The following GRM7 variants were observed in gnomAD, a reference collection of about 807,000 sequenced individuals.
The protein encoded by GRM7 is metabotropic glutamate receptor 7.
In GRM7, 35 loss-of-function variants were observed where a neutral mutation model predicts 84.5. The ratio of observed to expected loss-of-function variants is 0.41; its 90% confidence interval spans 0.32 to 0.55. The LOEUF (loss-of-function observed/expected upper bound fraction) is 0.55, where lower values mean the gene tolerates loss of function less well. Ranked by LOEUF, GRM7 falls within the 20% of genes least tolerant of loss-of-function variation. The pLI, the probability that GRM7 is intolerant of heterozygous loss-of-function variation, is 0.19. For synonymous variants in GRM7, 487 were observed against 455.1 expected (o/e 1.07, Z -0.89); for missense variants, 1,003 against 1,194.6 (o/e 0.84, Z 2.36).
chr3:7,402,577 C>A (rs1168337767), intron 4 of GRM7, among the ~76,000 whole-genome samples: 1 of 152,104 alleles, frequency 6.6e-6, no homozygotes, highest in East Asian at 1.9e-4. Flanking sequence ...AAATAACATA[C>A]ATCAAAATAG....
At chr3:7,403,214 G>T in intron 4 of GRM7, 1 of 443,010 alleles carries the variant, frequency 2.3e-6, no homozygotes. Context: ...ATTAATAATT[G>T]ATATGTGCTA....
Position 7,703,214 on chromosome 3 carries a change from C to T in GRM7, c.2698+22919C>T, listed in dbSNP as rs6795364. On this transcript the variant is annotated intron_variant, in intron 9 of 9. Transcript: ENST00000357716. Reference sequence around the variant, plus strand: ...ACTCTGATCTTAGGACCAGAAGCATCGGCAATGTCTAGAAACTTATTAATA... The same window carrying T: ...ACTCTGATCTTAGGACCAGAAGCATTGGCAATGTCTAGAAACTTATTAATA... Among the ~76,000 whole-genome samples the T allele has an allele frequency of 2.0e-3, 307 of 152,236 alleles. 3 individuals carry two copies. The highest frequency in any genetic ancestry group is 7.2e-3 in the African/African-American group (299 of 41,548).
At chr3:7,389,291 T>A (rs1390698267) in intron 4 of GRM7, among the ~76,000 whole-genome samples, 3 of 151,982 alleles carry the variant, frequency 2.0e-5, no homozygotes, top group Non-Finnish European at 2.9e-5. Context: ...GCTTTATGAC[T>A]GAGAAAATGG....
At chr3:7,444,311 C>CT (rs1697415363) in intron 5 of GRM7, among the ~76,000 whole-genome samples, 1 of 152,072 alleles carries the variant, frequency 6.6e-6, no homozygotes, top group African/African-American at 2.4e-5. Context: ...AGAAAGAATA[C>CT]TTTTTCAATG....
intron 1 of GRM7, among the ~76,000 whole-genome samples, chr3:6,955,573 A>G (rs1443566114): frequency 6.6e-6 from 1 of 151,866 alleles, no homozygotes; most frequent in Non-Finnish European, 1.5e-5. Flanking sequence ...GGCTGGGCAC[A>G]GTGACTCACG....
intron 7 of GRM7, among the ~76,000 whole-genome samples, chr3:7,514,217 A>C (rs1474461900): frequency 1.3e-5 from 2 of 152,236 alleles, no homozygotes; most frequent in Non-Finnish European, 2.9e-5. Flanking sequence ...ATCCTATACA[A>C]AAATCTGTAA....
intron 1 of GRM7, among the ~76,000 whole-genome samples, chr3:6,956,343 C>T (rs529780208): frequency 1.3e-5 from 2 of 152,242 alleles, no homozygotes; most frequent in East Asian, 1.9e-4. Context: ...CAGTGTGCTG[C>T]CTGTTCACCC....
chr3:7,341,619 T>C (rs893285433), intron 4 of GRM7, among the ~76,000 whole-genome samples: 5 of 152,108 alleles, frequency 3.3e-5, no homozygotes, highest in African/African-American at 1.2e-4. Flanking sequence ...AAGCAAAAAC[T>C]GCCTTTACCA....
intron 5 of GRM7, among the ~76,000 whole-genome samples, chr3:7,448,594 A>G (rs1396798452): frequency 6.6e-6 from 1 of 152,196 alleles, no homozygotes; most frequent in Non-Finnish European, 1.5e-5. Flanking sequence ...CTGCCACACT[A>G]GGGAAAATAA....
In GRM7 at chr3:7,336,158, A is replaced by G. The variant is rs142736608; in HGVS notation, c.1033+29506A>G. 2.2e-4 allele frequency among the ~76,000 whole-genome samples: 33 copies of G among 152,234 alleles called. No individual in the cohort carries two copies. In the East Asian group the frequency reaches 4.8e-3, roughly 22 times the overall value. On this transcript the variant is annotated intron_variant, in intron 4 of 9. Coordinates refer to ENST00000357716, the MANE Select transcript of GRM7 (RefSeq NM_000844.4). The stretch of plus-strand genomic sequence containing the variant: ...AAAAATTCTCAACAAAATACTTGTG[A>G]ACTGAATCCAACAGCATATCCAAAA...
chr3:7,455,688 G>T (rs927822506), intron 6 of GRM7, among the ~76,000 whole-genome samples: 1 of 152,110 alleles, frequency 6.6e-6, no homozygotes, highest in African/African-American at 2.4e-5. Context: ...AACTGTTTCT[G>T]ACTCAAAGAG....
chr3:6,977,488 T>C (rs927024271), intron 1 of GRM7, among the ~76,000 whole-genome samples: 3 of 152,108 alleles, frequency 2.0e-5, no homozygotes, highest in East Asian at 3.9e-4. Flanking sequence ...TTTTCTTCAA[T>C]GTCAGAGGTC....
intron 2 of GRM7, among the ~76,000 whole-genome samples, chr3:7,297,930 G>A (rs1324474502): frequency 1.3e-5 from 2 of 152,178 alleles, no homozygotes; most frequent in Non-Finnish European, 2.9e-5. Flanking sequence ...TTAGTAAACT[G>A]ATGCATGTTT....
intron 2 of GRM7, among the ~76,000 whole-genome samples, chr3:7,269,170 G>C (rs1177398087): frequency 6.6e-6 from 1 of 152,182 alleles, no homozygotes; most frequent in Non-Finnish European, 1.5e-5. Flanking sequence ...GCACTGTTTT[G>C]CCTATCATTA....
intron 4 of GRM7, among the ~76,000 whole-genome samples, chr3:7,377,219 AT>A (rs60849201): frequency 0.16 from 24,818 of 151,888 alleles, 2,197 homozygotes; most frequent in Admixed American, 0.27. Context: ...GGTTCCTAAT[AT>A]TTTTTTTCCA....
intron 1 of GRM7, among the ~76,000 whole-genome samples, chr3:7,092,149 C>T (rs1315582761): frequency 6.6e-6 from 1 of 152,098 alleles, no homozygotes; most frequent in Non-Finnish European, 1.5e-5. Flanking sequence ...GCTGGGACTA[C>T]AGGCATTCAC....
intron 1 of GRM7, among the ~76,000 whole-genome samples, chr3:6,879,521 C>T (rs1695431903): frequency 6.6e-6 from 1 of 152,104 alleles, no homozygotes; most frequent in Admixed American, 6.5e-5. Flanking sequence ...ATGTTGTCAG[C>T]CCAGGCTTTC....
At chr3:7,519,320 C>T (rs903160394) in intron 7 of GRM7, among the ~76,000 whole-genome samples, 8 of 151,602 alleles carry the variant, frequency 5.3e-5, no homozygotes, top group African/African-American at 1.9e-4. Context: ...TGAGATAGCA[C>T]CACTGCACTC....
At chr3:7,270,837 C>T (rs1282572932) in intron 2 of GRM7, among the ~76,000 whole-genome samples, 1 of 152,166 alleles carries the variant, frequency 6.6e-6, no homozygotes, top group Non-Finnish European at 1.5e-5. Flanking sequence ...AAAGGGAAAA[C>T]TTGAAGAGAA....
Sources: gnomAD v4.1 joint callset for allele counts (sites outside exome capture counted in the v4.1 genomes callset) on GRCh38, gnomAD v4.1.1 for gene constraint, MANE v1.5 for transcripts, NCBI Gene and HGNC (gene_info 2026-07-23, HGNC 2026-07-21) for gene names.